NRIP1: variants seen among roughly 807,000 people sequenced by gnomAD.
NRIP1 encodes nuclear receptor interacting protein 1, also known as nuclear receptor-interacting protein 1.
In NRIP1, 28 loss-of-function variants were observed where a neutral mutation model predicts 75.0. The observed-to-expected ratio is 0.37, with a 90% CI of 0.28 to 0.51. The LOEUF (loss-of-function observed/expected upper bound fraction) is 0.51. Among genes scored for constraint, NRIP1 ranks in the 20% least tolerant of loss-of-function variants. The pLI, the probability that NRIP1 is intolerant of heterozygous loss-of-function variation, is 0.92. For missense variants in NRIP1, 1,435 were observed against 1,343.7 expected (o/e 1.07, Z -1.06); for synonymous variants, 526 against 487.6 (o/e 1.08, Z -1.04).
Position 14,964,978 on chromosome 21 carries a change from A to G in NRIP1, c.3215T>C (p.Leu1072Pro). The change falls in exon 4 of 4, where the codon CTT (leucine) becomes CCT (proline). Residue 1072 changes from leucine (L) to proline (P), a missense_variant. Physicochemically the swap from Leu to Pro is moderately conservative, Grantham distance 98. Coordinates refer to ENST00000318948, the MANE Select transcript of NRIP1 (RefSeq NM_003489.4). ...GGTAACAGAATTGCCTCCTTTTTGA[A>G]GCATGTAATATAGTATTGGGTTGGT... ...TKTNPILYYM[L>P]QKGGNSVTSR... 1.2e-6 allele frequency: 2 copies of G among 1,613,872 alleles called. No homozygotes were observed. Among genetic ancestry groups the G allele is most frequent in the East Asian group, 2.2e-5 (1 of 44,886 alleles).
chr21:15,040,758 T>G (rs531796476), intron 2 of NRIP1, among the ~76,000 whole-genome samples: 48 of 152,240 alleles, frequency 3.2e-4, no homozygotes, highest in African/African-American at 1.0e-3. Context: ...CAAATACATA[T>G]TATAATGGAA....
rs762917679 is a variant in NRIP1 at position 14,967,673 on chromosome 21, C to G, written c.520G>C (p.Asp174His). 1.4e-5 allele frequency: 23 copies of G among 1,613,956 alleles called. No homozygotes were observed. The highest frequency in any genetic ancestry group is 1.8e-5 in the Non-Finnish European group (21 of 1,180,010). The change falls in exon 4 of 4, where the codon GAT (aspartate) becomes CAT (histidine). Residue 174 changes from aspartate (D) to histidine (H), a missense_variant. Physicochemically the swap from Asp to His is moderately conservative, Grantham distance 81. Coordinates refer to ENST00000318948, the MANE Select transcript of NRIP1 (RefSeq NM_003489.4). ...GATGCAACACCATAGCACCTTAAAT[C>G]CTTCTCCACTTTTAAAGAATCATGA... ...LSHDSLKVEK[D>H]LRCYGVASSH...
At chr21:15,032,678 A>T (rs1416834134) in intron 2 of NRIP1, among the ~76,000 whole-genome samples, 1 of 152,162 alleles carries the variant, frequency 6.6e-6, no homozygotes, top group Non-Finnish European at 1.5e-5. Context: ...TGCTCATTGT[A>T]AGGTTGACTA....
At chr21:15,048,299 C>G (rs915225631) in intron 1 of NRIP1, among the ~76,000 whole-genome samples, 7 of 152,166 alleles carry the variant, frequency 4.6e-5, no homozygotes, top group Non-Finnish European at 2.9e-5. Flanking sequence ...CACAAACCTT[C>G]AGTTTGTAAA....
chr21:15,018,319 C>A (rs2088284666), intron 2 of NRIP1, among the ~76,000 whole-genome samples: 1 of 151,924 alleles, frequency 6.6e-6, no homozygotes, highest in African/African-American at 2.4e-5. Context: ...GTTGGAATTA[C>A]AACATGAATA....
rs2086668988 is a variant in NRIP1, at chr21:14,964,505, C to T, written c.*211G>A. The T allele has an allele frequency of 2.3e-6, 1 of 434,558 alleles. No individual in the cohort carries two copies. Among genetic ancestry groups the T allele is most frequent in the Non-Finnish European group, 4.0e-6 (1 of 247,494 alleles). 26.9% of individuals were successfully genotyped at this position (434,558 alleles called of 1,614,324 possible). On this transcript the variant is annotated 3_prime_UTR_variant, in exon 4 of 4. Coordinates refer to ENST00000318948, the MANE Select transcript of NRIP1 (RefSeq NM_003489.4). ...TGATGCATACAGAAGTGTTAAACAA[C>T]CAATTGCTAGTTCAGTAGTTTCCTC...
At chr21:15,030,362 T>G (rs1379616234) in intron 2 of NRIP1, among the ~76,000 whole-genome samples, 4 of 152,344 alleles carry the variant, frequency 2.6e-5, no homozygotes, top group Non-Finnish European at 5.9e-5. Context: ...TTTACGAATA[T>G]TCACACAGTT....
In NRIP1 at chr21:14,963,964, T is replaced by A. The variant is rs987650576; in HGVS notation, c.*752A>T. On this transcript the variant is annotated 3_prime_UTR_variant, in exon 4 of 4. Transcript: ENST00000318948. ...ATAAATGTTAACTTTTCTAATTCTG[T>A]AAAAGGAGGAGTATTAATTTAGTAA... 6.6e-6 allele frequency: 1 copy of A among 152,550 alleles called. No homozygotes were observed. The highest frequency in any genetic ancestry group is 1.5e-5 in the Non-Finnish European group (1 of 68,004). The allele number at this position is 152,550 out of a possible 1,614,324, so 9.4% of individuals were successfully genotyped here. A position where few individuals can be genotyped will look rare whatever the true frequency, so the allele number is the denominator to read the frequency against.
chr21:15,023,797 G>A (rs184463011), intron 2 of NRIP1, among the ~76,000 whole-genome samples: 2 of 152,270 alleles, frequency 1.3e-5, no homozygotes, highest in East Asian at 3.9e-4. Context: ...ATACCAAAAT[G>A]TATCATAAAG....
rs1568935479 is a variant in NRIP1, at chr21:14,965,239, A to C, written c.2954T>G (p.Met985Arg). ...ACTGCTGGGCTGAGTGGAACTGTAC[A>C]TCAGTCCATTTAAAGAAGAAATGCT... Reference protein sequence around the residue: ...EFSISSLNGLMYSSTQPSSCM... With the variant: ...EFSISSLNGLRYSSTQPSSCM... The change falls in exon 4 of 4, where the codon ATG becomes AGG. Residue 985 changes from methionine (M) to arginine (R), a missense_variant. Coordinates refer to ENST00000318948, the MANE Select transcript of NRIP1 (RefSeq NM_003489.4). 2.5e-6 allele frequency: 4 copies of C among 1,613,972 alleles called. No individual in the cohort carries two copies. The highest frequency in any genetic ancestry group is 3.4e-6 in the Non-Finnish European group (4 of 1,179,926).
At chr21:15,051,335 AAAAAATT>A (rs1308171319) in intron 1 of NRIP1, 1 of 159,876 alleles carries the variant, frequency 6.3e-6, no homozygotes, top group Non-Finnish European at 1.4e-5. Flanking sequence ...GGTGGTCAAT[AAAAAATT>A]ATTACACCTT....
At chr21:15,002,829 T>C (rs963888900) in intron 3 of NRIP1, among the ~76,000 whole-genome samples, 4 of 152,238 alleles carry the variant, frequency 2.6e-5, no homozygotes, top group African/African-American at 7.2e-5. Flanking sequence ...TAAAAATATA[T>C]TGTAATAGCT....
chr21:15,026,427 T>A (rs566452172), intron 2 of NRIP1, among the ~76,000 whole-genome samples: 1 of 152,200 alleles, frequency 6.6e-6, no homozygotes. Context: ...AAACTTCTGA[T>A]ATATTATTAA....
chr21:14,993,205 T>C (rs773717458), intron 3 of NRIP1, among the ~76,000 whole-genome samples: 3 of 145,434 alleles, frequency 2.1e-5, no homozygotes, highest in Non-Finnish European at 4.5e-5. Flanking sequence ...TGATCACACA[T>C]AACCAACTAA....
At position 14,966,197 on chromosome 21, in the gene NRIP1, T is replaced by C. The variant is rs554440939; in HGVS notation, c.1996A>G (p.Ile666Val). 6.2e-7 allele frequency: 1 copy of C among 1,613,860 alleles called. No homozygotes were observed. The highest frequency in any genetic ancestry group is 1.1e-5 in the South Asian group (1 of 91,028). ...TGNTDKPIGM[I>V]DRLNSPLLSN... Reference sequence around the variant, plus strand: ...AGCAAAGGGCTATTTAATCTATCAATCATACCTATCGGTTTATCTGTGTTT... The same window carrying C: ...AGCAAAGGGCTATTTAATCTATCAACCATACCTATCGGTTTATCTGTGTTT... The change falls in exon 4 of 4, where the codon ATT becomes GTT. Residue 666 changes from isoleucine to valine, a missense_variant. Coordinates refer to ENST00000318948, the MANE Select transcript of NRIP1 (RefSeq NM_003489.4).
chr21:14,981,189 A>G (rs113055856), intron 3 of NRIP1, among the ~76,000 whole-genome samples: 48 of 152,390 alleles, frequency 3.1e-4, no homozygotes, highest in African/African-American at 1.0e-3. Flanking sequence ...CACAGGTAAC[A>G]TTAAAGTATG....
intron 1 of NRIP1, among the ~76,000 whole-genome samples, chr21:15,045,164 G>A (rs2089042955): frequency 1.3e-5 from 2 of 152,112 alleles, no homozygotes; most frequent in South Asian, 2.1e-4. Context: ...CAATCAGCCT[G>A]GTTGGGTGGT....
At chr21:14,990,272 A>G (rs552983350) in intron 3 of NRIP1, among the ~76,000 whole-genome samples, 5 of 152,102 alleles carry the variant, frequency 3.3e-5, no homozygotes, top group Admixed American at 6.6e-5. Context: ...CTCAAGTTTG[A>G]ATGTATTTCT....
At position 15,019,470 on chromosome 21, in the gene NRIP1, C is replaced by CTTTTTTTT. The variant is rs539278321; in HGVS notation, c.-457-5012_-457-5005dup. Among the ~76,000 whole-genome samples the CTTTTTTTT allele has an allele frequency of 7.0e-4, 27 of 38,696 alleles. 10 individuals carry two copies. The highest frequency in any genetic ancestry group is 1.1e-3 in the Non-Finnish European group (20 of 17,904). The allele number at this position is 38,696 out of a possible 152,430, so 25.4% of individuals were successfully genotyped here. ...ACAAGATCCACAAACAACTGCATTT[C>CTTTTTTTT]TTTTTTTTTTTTTTTTTTTTTTTTT... On this transcript the variant is annotated intron_variant, in intron 2 of 3. Transcript: ENST00000318948.
Sources: allele counts gnomAD v4.1 joint callset (sites outside exome capture counted in the v4.1 genomes callset), GRCh38; gene constraint gnomAD v4.1.1; transcripts MANE v1.5; gene names NCBI Gene and HGNC (gene_info 2026-07-23, HGNC 2026-07-21).